The following DPYD variants were observed in gnomAD, a reference collection of about 807,000 sequenced individuals.
The protein encoded by DPYD is dihydropyrimidine dehydrogenase [NADP(+)].
Under a neutral mutation model 116.2 loss-of-function variants are expected in DPYD, and 109 were observed. The ratio of observed to expected loss-of-function variants is 0.94; its 90% CI spans 0.80 to 1.10. The LOEUF (loss-of-function observed/expected upper bound fraction) is 1.10, where lower values mean the gene tolerates loss of function less well. DPYD is among the 50% of genes least tolerant of loss of function. The pLI, the probability that DPYD is intolerant of heterozygous loss-of-function variation, is 0.00. For synonymous variants in DPYD, 440 were observed against 432.0 expected (o/e 1.02, Z -0.23); for missense variants, 1,302 against 1,254.5 (o/e 1.04, Z -0.57).
chr1:97,619,218 A>G (rs1356419627), intron 8 of DPYD, among the ~76,000 whole-genome samples: 1 of 152,128 alleles, frequency 6.6e-6, no homozygotes, highest in Non-Finnish European at 1.5e-5. Context: ...ATCATAAAAT[A>G]TTTTCCTTTC....
intron 18 of DPYD, among the ~76,000 whole-genome samples, chr1:97,280,855 A>G (rs1441407214): frequency 6.6e-6 from 1 of 152,182 alleles, no homozygotes; most frequent in East Asian, 1.9e-4. Flanking sequence ...ATAACAATAT[A>G]GTGTATATCT....
intron 20 of DPYD, among the ~76,000 whole-genome samples, chr1:97,124,647 C>A (rs1024293883): frequency 2.0e-5 from 3 of 152,068 alleles, no homozygotes; most frequent in African/African-American, 7.2e-5. Context: ...CTACTAGGCA[C>A]AAAATGTTTG....
chr1:97,612,904 C>T (rs1206450605), intron 8 of DPYD, among the ~76,000 whole-genome samples: 4 of 152,068 alleles, frequency 2.6e-5, no homozygotes, highest in African/African-American at 7.2e-5. Flanking sequence ...GACAACACTA[C>T]ATGGATGTTT....
intron 13 of DPYD, among the ~76,000 whole-genome samples, chr1:97,484,815 G>C (rs148991578): frequency 3.7e-4 from 57 of 152,176 alleles, no homozygotes; most frequent in African/African-American, 1.3e-3. Context: ...AATTGTAATA[G>C]CATTATATTT....
At chr1:97,206,717 T>C (rs1250729361) in intron 19 of DPYD, among the ~76,000 whole-genome samples, 2 of 143,532 alleles carry the variant, frequency 1.4e-5, no homozygotes, top group Admixed American at 7.1e-5. Context: ...CATATGTGCG[T>C]ATACATGTTT....
intron 16 of DPYD, among the ~76,000 whole-genome samples, chr1:97,312,136 T>C (rs868129890): frequency 1.1e-4 from 16 of 151,772 alleles, no homozygotes; most frequent in African/African-American, 3.6e-4. Context: ...TTGTCTATAT[T>C]CCACAATAAG....
intron 8 of DPYD, among the ~76,000 whole-genome samples, chr1:97,673,895 A>G (rs1332066429): frequency 6.6e-6 from 1 of 152,236 alleles, no homozygotes; most frequent in East Asian, 1.9e-4. Flanking sequence ...CTTGAGGTTA[A>G]AAAACTTCAG....
At chr1:97,748,477 C>T (rs758945128) in intron 3 of DPYD, among the ~76,000 whole-genome samples, 2 of 152,064 alleles carry the variant, frequency 1.3e-5, no homozygotes, top group Non-Finnish European at 2.9e-5. Flanking sequence ...GGCGTGGTGG[C>T]ACGCACCTGT....
chr1:97,409,011 C>T (rs1006874056), intron 14 of DPYD, among the ~76,000 whole-genome samples: 3 of 152,112 alleles, frequency 2.0e-5, no homozygotes, highest in African/African-American at 7.2e-5. Flanking sequence ...GGTTCCCTTG[C>T]TTCTCAGCTT....
chr1:97,813,150 G>T (rs941470167), intron 3 of DPYD, among the ~76,000 whole-genome samples: 1 of 152,006 alleles, frequency 6.6e-6, no homozygotes, highest in Non-Finnish European at 1.5e-5. Context: ...TTCCTCATAT[G>T]CAATCATCTA....
At chr1:97,301,273 G>GA (rs539281599) in intron 18 of DPYD, among the ~76,000 whole-genome samples, 1 of 151,978 alleles carries the variant, frequency 6.6e-6, no homozygotes, top group East Asian at 1.9e-4. Context: ...TCTTAATACT[G>GA]AAAAAAATGT....
intron 5 of DPYD, among the ~76,000 whole-genome samples, chr1:97,702,698 T>C (rs997728466): frequency 1.3e-5 from 2 of 151,982 alleles, no homozygotes; most frequent in Admixed American, 1.3e-4. Flanking sequence ...AGAAATAGGT[T>C]AGTTCTGAAA....
intron 16 of DPYD, among the ~76,000 whole-genome samples, chr1:97,348,720 T>A (rs183841243): frequency 3.3e-5 from 5 of 152,232 alleles, no homozygotes; most frequent in African/African-American, 1.2e-4. Flanking sequence ...TGAAAAAGAA[T>A]GTGATAAAGA....
chr1:97,446,688 C>T (rs765367612), intron 14 of DPYD, among the ~76,000 whole-genome samples: 33 of 152,222 alleles, frequency 2.2e-4, no homozygotes, highest in Non-Finnish European at 4.6e-4. Context: ...AAATTTCAGT[C>T]TTTGCTTCCT....
At chr1:97,764,875 A>G (rs1216620879) in intron 3 of DPYD, among the ~76,000 whole-genome samples, 2 of 152,170 alleles carry the variant, frequency 1.3e-5, no homozygotes, top group Non-Finnish European at 2.9e-5. Context: ...AACAATTTAT[A>G]CATTCAATGA....
At position 97,227,265 on chromosome 1, in the gene DPYD, T is replaced by C. The variant is rs1380583552; in HGVS notation, c.2442+7587A>G. 1.2e-4 allele frequency among the ~76,000 whole-genome samples: 17 copies of C among 137,928 alleles called. No homozygotes were observed. In the Admixed American group the frequency reaches 1.4e-3, roughly 11 times the overall value. 90.5% of individuals were successfully genotyped at this position (137,928 alleles called of 152,430 possible). ...TGGCTTGAATCTGGGAGGTGGAGAT[T>C]GCAGTGAGCCGAGATCGTGCCACGG... On this transcript the variant is annotated intron_variant, in intron 19 of 22. Coordinates refer to ENST00000370192, the MANE Select transcript of DPYD (RefSeq NM_000110.4).
chr1:97,604,520 T>C (rs1655461322), intron 8 of DPYD, among the ~76,000 whole-genome samples: 2 of 152,076 alleles, frequency 1.3e-5, no homozygotes, highest in Admixed American at 1.3e-4. Flanking sequence ...TGCAAATTTA[T>C]TTTATTTTAC....
intron 16 of DPYD, among the ~76,000 whole-genome samples, chr1:97,355,531 C>A (rs1398583597): frequency 1.3e-5 from 2 of 152,104 alleles, no homozygotes; most frequent in Non-Finnish European, 2.9e-5. Flanking sequence ...TGAGACTTTA[C>A]ATCCTTTCAC....
intron 8 of DPYD, among the ~76,000 whole-genome samples, chr1:97,633,429 C>G (rs776169308): frequency 6.6e-6 from 1 of 152,058 alleles, no homozygotes. Flanking sequence ...TGCCAACACA[C>G]TGACTGCAAT....
Sources: gnomAD v4.1 joint callset for allele counts (sites outside exome capture counted in the v4.1 genomes callset) on GRCh38, gnomAD v4.1.1 for gene constraint, MANE v1.5 for transcripts, NCBI Gene and HGNC (gene_info 2026-07-23, HGNC 2026-07-21) for gene names.